COL17A1: variants seen among roughly 807,000 people sequenced by gnomAD.
The protein encoded by COL17A1 is collagen type XVII alpha 1 chain, also known as collagen alpha-1(XVII) chain.
COL17A1 carries 181 observed loss-of-function variants against 218.4 expected under a neutral mutation model. That is an observed-to-expected ratio of 0.83 (90% CI 0.73 to 0.94). The LOEUF (loss-of-function observed/expected upper bound fraction) is 0.94, where lower values mean the gene tolerates loss of function less well. Ranked by LOEUF, COL17A1 falls within the 40% of genes least tolerant of loss-of-function variation. The pLI, the probability that COL17A1 is intolerant of heterozygous loss-of-function variation, is 0.00. For missense variants in COL17A1, 1,924 were observed against 1,945.9 expected, an observed-to-expected ratio of 0.99 and a Z score of 0.21; for synonymous variants, 721 against 731.0, an observed-to-expected ratio of 0.99 and a Z score of 0.22.
At chr10:104,056,028 G>A (rs371698333) in intron 17 of COL17A1, 25 bp from the exon 18 acceptor site, 54 of 1,613,362 alleles carry the variant, frequency 3.3e-5, no homozygotes, top group African/African-American at 1.5e-4. Flanking sequence ...CACACACTGC[G>A]TCACTGAGGG....
chr10:104,068,596 T>C (rs1321499124), intron 9 of COL17A1, among the ~76,000 whole-genome samples: 2 of 152,216 alleles, frequency 1.3e-5, no homozygotes, highest in African/African-American at 4.8e-5. Flanking sequence ...TGTGGAATAG[T>C]ACACACCTTT....
chr10:104,049,168 G>C, intron 29 of COL17A1, among the ~76,000 whole-genome samples: 1 of 152,144 alleles, frequency 6.6e-6, no homozygotes, highest in East Asian at 1.9e-4. Context: ...GCAGCTCTTA[G>C]GTGAATGGAC....
rs2086270444 is a variant in COL17A1, at chr10:104,035,460, C to T, written c.3508+14G>A. 5.0e-6 allele frequency: 8 copies of T among 1,613,958 alleles called. No individual in the cohort carries two copies. The highest frequency in any genetic ancestry group is 5.9e-6 in the Non-Finnish European group (7 of 1,179,944). On this transcript the variant is annotated intron_variant, in intron 49 of 55. Transcript: ENST00000648076. ...CCCCAACCAGTTGGACAGATGTCCC[C>T]TGCTGGGCCTTACCTCGCAGCAAGG...
chr10:104,074,981 G>A (rs1420652119), intron 5 of COL17A1, among the ~76,000 whole-genome samples: 1 of 152,150 alleles, frequency 6.6e-6, no homozygotes, highest in Non-Finnish European at 1.5e-5. Flanking sequence ...CTTCTTCTAC[G>A]ACTCCTTCTT....
chr10:104,055,444 T>TCACA (rs1554849247), intron 18 of COL17A1, 43 bp from the exon 19 acceptor site: 18,153 of 1,124,428 alleles, frequency 0.016, 120 homozygotes, highest in African/African-American at 0.055. Flanking sequence ...ACATCTCCTG[T>TCACA]CACACACACA....
At chr10:104,045,939 C>T (rs2086405058) in intron 32 of COL17A1, 146 bp from the exon 33 acceptor site, 2 of 736,368 alleles carry the variant, frequency 2.7e-6, no homozygotes, top group Admixed American at 4.0e-5. Context: ...CCGCCTTAGT[C>T]TAGACAACCC....
At chr10:104,046,192 A>T (rs973944325) in intron 32 of COL17A1, among the ~76,000 whole-genome samples, 4 of 152,196 alleles carry the variant, frequency 2.6e-5, no homozygotes, top group African/African-American at 9.6e-5. Context: ...CTGTAAGAGC[A>T]TTGGAAGCAT....
At chr10:104,080,706 A>G (rs1017655512) in intron 1 of COL17A1, 22 bp from the exon 2 acceptor site, 2 of 1,611,896 alleles carry the variant, frequency 1.2e-6, no homozygotes, top group Non-Finnish European at 1.7e-6. Flanking sequence ...ATCAGAAACC[A>G]TGATAGTCAT....
At position 104,032,741 on chromosome 10, in the gene COL17A1, A is replaced by C; in HGVS notation, c.4371T>G (p.Pro1457=). The C allele has an allele frequency of 6.2e-7, 1 of 1,614,200 alleles. No individual in the cohort carries two copies. The highest frequency in any genetic ancestry group is 8.5e-7 in the Non-Finnish European group (1 of 1,180,026). Residue 1457 remains proline (P), a synonymous_variant, in exon 55 of 56, where the codon CCT becomes CCG. Transcript: ENST00000648076. ...GCCCAGGATGACCTGGTGGCCCAGC[A>C]GGGCCCCTGTCACCTGGAAGGAAAA... is the stretch of plus-strand genomic sequence containing the variant. ...GTPGPKGDRG[P]AGPPGHPGPP...
rs34260939 is a variant in COL17A1 at position 104,041,135 on chromosome 10, C to T, written c.2648-17G>A. On this transcript the variant is annotated splice_polypyrimidine_tract_variant and intron_variant, in intron 38 of 55. Transcript: ENST00000648076. ...AACCCTCCCCTAGGAAAGAGAACCCCCAAGACTTATTAGTGCCAAGAGGGG... is the reference window on the plus strand; with the variant it reads ...AACCCTCCCCTAGGAAAGAGAACCCTCAAGACTTATTAGTGCCAAGAGGGG... 37,398 of 1,609,566 alleles carry T rather than the reference C, an allele frequency of 0.023. 521 individuals are homozygous for T. Among genetic ancestry groups the T allele is most frequent in the Non-Finnish European group, 0.027 (31,786 of 1,178,122 alleles).
In COL17A1 at chr10:104,032,906, C is replaced by T. The variant is rs778776070; in HGVS notation, c.4357G>A (p.Gly1453Ser). ...GGACTGGCTCTCTGCCACCACTTAC[C>T]TTTGGGTCCTGGAGTGCCCATCTCT... ...KGEMGTPGPKGDRGPAGPPGH... is the reference protein window; with the variant it reads ...KGEMGTPGPKSDRGPAGPPGH... Residue 1453 changes from glycine (G) to serine (S), a missense_variant and splice_region_variant, in exon 54 of 56, where the codon GGT becomes AGT. Gly to Ser is a moderately conservative substitution (Grantham distance 56). Coordinates refer to ENST00000648076, the MANE Select transcript of COL17A1 (RefSeq NM_000494.4). The T allele has an allele frequency of 1.2e-6, 2 of 1,614,190 alleles. No homozygotes were observed. Among genetic ancestry groups the T allele is most frequent in the East Asian group, 2.2e-5 (1 of 44,880 alleles).
rs767083273 is a variant in COL17A1, at chr10:104,053,064, C to G, written c.1906G>C (p.Gly636Arg). 6.2e-7 allele frequency: 1 copy of G among 1,614,164 alleles called. No individual in the cohort carries two copies. Among genetic ancestry groups the G allele is most frequent in the Non-Finnish European group, 8.5e-7 (1 of 1,180,046 alleles). The change falls in exon 23 of 56, where the codon GGG (glycine) becomes CGG (arginine). Residue 636 changes from glycine (G) to arginine (R), a missense_variant. By Grantham distance (125) the Gly-to-Arg change is moderately radical. Coordinates refer to ENST00000648076, the MANE Select transcript of COL17A1 (RefSeq NM_000494.4). ...CCTTTCTCTCCAGATCCAGGAGGCCCTGCCTCACCACGAGGTCCCATGGGG... is the reference window on the plus strand; with the variant it reads ...CCTTTCTCTCCAGATCCAGGAGGCCGTGCCTCACCACGAGGTCCCATGGGG... ...EGPMGPRGEA[G>R]PPGSGEKGER...
chr10:104,070,695 AC>A, intron 8 of COL17A1, 126 bp from the exon 9 acceptor site: 1 of 1,595,880 alleles, frequency 6.3e-7, no homozygotes, highest in Non-Finnish European at 8.5e-7. Flanking sequence ...ACACATTGGA[AC>A]TTTTTGCTTG....
intron 48 of COL17A1, 152 bp from the exon 49 acceptor site, chr10:104,035,715 A>G: frequency 3.0e-6 from 2 of 671,860 alleles, no homozygotes; most frequent in South Asian, 3.9e-5. Flanking sequence ...GAGGAGCCCA[A>G]AGGAGGAACG....
rs2086564105 is a variant in COL17A1, at chr10:104,059,654, T to C, written c.1206A>G (p.Leu402=). ...KQAAYNADSG[L]KAEANGDLKT... is the part of the protein sequence containing the mutation. ...TGTTCTTACCATTAGCTTCGGCTTT[T>C]AGGCCTGAGTCAGCATTGTAGGCAG... Residue 402 remains leucine (L), a synonymous_variant, in exon 15 of 56, where the codon CTA becomes CTG. Coordinates refer to ENST00000648076, the MANE Select transcript of COL17A1 (RefSeq NM_000494.4). 2.5e-6 allele frequency: 4 copies of C among 1,614,238 alleles called. No individual in the cohort carries two copies. Among genetic ancestry groups the C allele is most frequent in the Non-Finnish European group, 3.4e-6 (4 of 1,180,032 alleles).
At chr10:104,074,038 G>A (rs528612168) in intron 6 of COL17A1, 146 bp downstream of exon 6, 2 of 1,281,362 alleles carry the variant, frequency 1.6e-6, no homozygotes, top group African/African-American at 2.9e-5. Flanking sequence ...TAAAAAGCAA[G>A]GGAAAAATAG....
In COL17A1 at chr10:104,032,086, T is replaced by A. The variant is rs1844691767; in HGVS notation, c.*149A>T. 4.3e-6 allele frequency: 3 copies of A among 691,996 alleles called. No homozygotes were observed. The highest frequency in any genetic ancestry group is 2.0e-5 in the Admixed American group (1 of 48,886). The allele number at this position is 691,996 out of a possible 1,614,324, so 42.9% of individuals were successfully genotyped here. The stretch of plus-strand genomic sequence containing the variant: ...ACTGAATTCTATAAGTATATATTGT[T>A]CAGACTAAAACAAATGTTGCTAGCT... On this transcript the variant is annotated 3_prime_UTR_variant, in exon 56 of 56. Transcript: ENST00000648076.
chr10:104,067,733 G>C (rs144134198), intron 9 of COL17A1, among the ~76,000 whole-genome samples: 30 of 152,260 alleles, frequency 2.0e-4, no homozygotes, highest in African/African-American at 7.0e-4. Flanking sequence ...CAGTGTGAGA[G>C]AGCTAATGTA....
chr10:104,035,509 C>T lies in COL17A1; in HGVS notation c.3473G>A (p.Gly1158Glu), dbSNP rs769963119. 3 of 1,614,062 alleles carry T rather than the reference C, an allele frequency of 1.9e-6. No homozygotes were observed. Among genetic ancestry groups the T allele is most frequent in the South Asian group, 2.2e-5 (2 of 91,066 alleles). Residue 1158 changes from glycine (G) to glutamate (E), a missense_variant, in exon 49 of 56, where the codon GGA becomes GAA. Coordinates refer to ENST00000648076, the MANE Select transcript of COL17A1 (RefSeq NM_000494.4). The part of the protein sequence containing the change: ...PGPPGPPGLP[G>E]TSYEELLSLL... ...GGAGAGGAGCTCCTCATAGGAGGTTCCCGGCAAGCCAGGGGGCCCCGGGGG... is the reference window on the plus strand; with the variant it reads ...GGAGAGGAGCTCCTCATAGGAGGTTTCCGGCAAGCCAGGGGGCCCCGGGGG...
Sources: allele counts gnomAD v4.1 joint callset (sites outside exome capture counted in the v4.1 genomes callset), GRCh38; gene constraint gnomAD v4.1.1; transcripts MANE v1.5; gene names NCBI Gene and HGNC (gene_info 2026-07-23, HGNC 2026-07-21).